The following HBS1L variants were observed in gnomAD, a reference collection of about 807,000 sequenced individuals.
HBS1L encodes HBS1 like translational GTPase, also known as HBS1-like protein.
In HBS1L, 55 loss-of-function variants were observed where a neutral mutation model predicts 88.9. The ratio of observed to expected loss-of-function variants is 0.62; its 90% confidence interval spans 0.50 to 0.77. HBS1L has a LOEUF of 0.77. Ranked by LOEUF, HBS1L falls within the 30% of genes least tolerant of loss-of-function variation. The pLI is 0.00. For missense variants in HBS1L, 741 were observed against 829.3 expected (o/e 0.89, Z 1.31); for synonymous variants, 267 against 288.5 (o/e 0.93, Z 0.76).
At chr6:135,031,052 T>C (rs1776369992) in intron 4 of HBS1L, among the ~76,000 whole-genome samples, 3 of 152,098 alleles carry the variant, frequency 2.0e-5, no homozygotes, top group African/African-American at 4.8e-5. Flanking sequence ...GTTGGTAATT[T>C]TGTACTTTTT....
rs993997361 is a variant in HBS1L at position 134,978,791 on chromosome 6, T to C, written c.1689-4A>G. On this transcript the variant is annotated splice_region_variant and splice_polypyrimidine_tract_variant and intron_variant, in intron 14 of 17. Coordinates refer to ENST00000367837, the MANE Select transcript of HBS1L (RefSeq NM_006620.4). ...GCCACAAAATATGCAGCCAACACTG[T>C]AAGAACAACAAAAAAAGAGGAAAGG... 4 of 1,564,670 alleles carry C rather than the reference T, an allele frequency of 2.6e-6. No homozygotes were observed. The highest frequency in any genetic ancestry group is 2.6e-6 in the Non-Finnish European group (3 of 1,150,050).
intron 4 of HBS1L, among the ~76,000 whole-genome samples, chr6:135,008,349 G>C (rs1775669978): frequency 6.6e-6 from 1 of 152,210 alleles, no homozygotes; most frequent in Non-Finnish European, 1.5e-5. Context: ...GGACAAATAA[G>C]TGACTTCACC....
At chr6:135,054,546 G>A in intron 1 of HBS1L, 103 bp downstream of exon 1, 1 of 1,352,064 alleles carries the variant, frequency 7.4e-7, no homozygotes, top group Non-Finnish European at 1.0e-6. Context: ...AATCCCGACA[G>A]GGCAACACTG....
chr6:135,051,586 G>C (rs991774508), intron 1 of HBS1L, among the ~76,000 whole-genome samples: 1 of 152,092 alleles, frequency 6.6e-6, no homozygotes, highest in Non-Finnish European at 1.5e-5. Flanking sequence ...ACCACTCTGG[G>C]TAAAGCAGTA....
At chr6:135,011,429 A>G (rs1210710989) in intron 4 of HBS1L, among the ~76,000 whole-genome samples, 2 of 152,206 alleles carry the variant, frequency 1.3e-5, no homozygotes, top group African/African-American at 2.4e-5. Context: ...TTGAGATGGG[A>G]GGATCAATTG....
chr6:135,051,637 T>A lies in HBS1L; in HGVS notation c.44-990A>T, dbSNP rs139052267. On this transcript the variant is annotated intron_variant, in intron 1 of 17. Transcript: ENST00000367837. ...GTTACCCTCCAGCACACTTACCCAATTTACAGAGCGCTACGCCTGTTCACT... is the reference window on the plus strand; with the variant it reads ...GTTACCCTCCAGCACACTTACCCAAATTACAGAGCGCTACGCCTGTTCACT... 4.7e-3 allele frequency among the ~76,000 whole-genome samples: 715 copies of A among 152,308 alleles called. 3 individuals are homozygous for A. Among genetic ancestry groups the A allele is most frequent in the Non-Finnish European group, 8.3e-3 (567 of 68,018 alleles).
At position 135,054,733 on chromosome 6, in the gene HBS1L, CA is replaced by C. The variant is rs752344951; in HGVS notation, c.-43del. ...TTTGCCACAGCCCCTTAACTCCTTC[CA>C]AAACACTCCGCTTAGATACTGATAA... On this transcript the variant is annotated 5_prime_UTR_variant, in exon 1 of 18. Transcript: ENST00000367837. 6 of 1,611,964 alleles carry C rather than the reference CA, an allele frequency of 3.7e-6. No individual in the cohort carries two copies. The highest frequency in any genetic ancestry group is 4.2e-6 in the Non-Finnish European group (5 of 1,178,570).
intron 16 of HBS1L, 38 bp downstream of exon 16, chr6:134,969,200 A>C (rs768266265): frequency 7.1e-7 from 1 of 1,400,098 alleles, no homozygotes; most frequent in South Asian, 1.2e-5. Flanking sequence ...AAATTGGCTT[A>C]AATTGCTTGT....
chr6:134,991,846 T>C (rs536221054), intron 8 of HBS1L, among the ~76,000 whole-genome samples: 5 of 152,286 alleles, frequency 3.3e-5, no homozygotes, highest in Non-Finnish European at 4.4e-5. Flanking sequence ...GAGGTGGGGA[T>C]TGCTTGAGCC....
chr6:135,029,955 A>G (rs1173879229), intron 4 of HBS1L, among the ~76,000 whole-genome samples: 1 of 152,236 alleles, frequency 6.6e-6, no homozygotes, highest in Non-Finnish European at 1.5e-5. Flanking sequence ...CCTTTGGAAG[A>G]ATAAAGAAGA....
intron 4 of HBS1L, among the ~76,000 whole-genome samples, chr6:135,032,552 C>G (rs1776419012): frequency 6.6e-6 from 1 of 151,948 alleles, no homozygotes; most frequent in South Asian, 2.1e-4. Flanking sequence ...AAATATATAC[C>G]TGCATGAACA....
intron 15 of HBS1L, among the ~76,000 whole-genome samples, chr6:134,972,325 C>A (rs4895435): frequency 0.61 from 93,098 of 152,032 alleles, 30,514 homozygotes; most frequent in African/African-American, 0.87. Flanking sequence ...GGTTTTCAAC[C>A]AGGGTACCAG....
Position 135,037,575 on chromosome 6 carries a change from C to T in HBS1L, c.430+1998G>A, listed in dbSNP as rs761200466. 113 of 1,549,140 alleles carry T rather than the reference C, an allele frequency of 7.3e-5. 1 individual carries two copies. Among genetic ancestry groups the T allele is most frequent in the Non-Finnish European group, 9.8e-5 (112 of 1,145,092 alleles). On this transcript the variant is annotated intron_variant, in intron 4 of 17. Transcript: ENST00000367837. ...TATTTTGAATATATAAAGAATTATT[C>T]GGTGTTGTGCCCTTTATGATTATGG... is the stretch of plus-strand genomic sequence containing the variant.
intron 8 of HBS1L, among the ~76,000 whole-genome samples, chr6:134,988,548 A>C (rs1478947045): frequency 3.3e-5 from 5 of 152,176 alleles, no homozygotes; most frequent in African/African-American, 1.2e-4. Flanking sequence ...CAACATGAAA[A>C]AAATTCAAAT....
At chr6:134,977,796 T>C (rs1369925940) in intron 15 of HBS1L, among the ~76,000 whole-genome samples, 4 of 151,952 alleles carry the variant, frequency 2.6e-5, no homozygotes, top group African/African-American at 9.7e-5. Flanking sequence ...ATCTGTACTA[T>C]ATGAGCTAAT....
At chr6:134,978,251 T>G (rs1774706982) in intron 15 of HBS1L, among the ~76,000 whole-genome samples, 1 of 152,022 alleles carries the variant, frequency 6.6e-6, no homozygotes. Context: ...TTTCCAAAAT[T>G]TTCTATGCAA....
chr6:135,035,651 T>C (rs1418388493), intron 4 of HBS1L, among the ~76,000 whole-genome samples: 1 of 149,440 alleles, frequency 6.7e-6, no homozygotes, highest in African/African-American at 2.5e-5. Context: ...CTCTGGAGGC[T>C]GAGGCAGGAG....
rs1376422284 is a variant in HBS1L, at chr6:134,961,432, A to G, written c.*3847T>C. The G allele has an allele frequency of 6.6e-6, 1 of 152,190 alleles. No individual in the cohort carries two copies. 9.4% of individuals were successfully genotyped at this position (152,190 alleles called of 1,614,324 possible). On this transcript the variant is annotated 3_prime_UTR_variant, in exon 18 of 18. Coordinates refer to ENST00000367837, the MANE Select transcript of HBS1L (RefSeq NM_006620.4). Reference sequence around the variant, plus strand: ...AGGCGGTGGCGTTCTCCTGCTGAACATTTAACAATTCTCAAATCTCTAACA... The same window carrying G: ...AGGCGGTGGCGTTCTCCTGCTGAACGTTTAACAATTCTCAAATCTCTAACA...
chr6:135,028,008 C>G (rs1776283058), intron 4 of HBS1L, among the ~76,000 whole-genome samples: 1 of 152,092 alleles, frequency 6.6e-6, no homozygotes, highest in Non-Finnish European at 1.5e-5. Context: ...CTCAAGCAAT[C>G]CACCTGCCTC....
Sources: allele counts gnomAD v4.1 joint callset (sites outside exome capture counted in the v4.1 genomes callset), GRCh38; gene constraint gnomAD v4.1.1; transcripts MANE v1.5; gene names NCBI Gene and HGNC (gene_info 2026-07-23, HGNC 2026-07-21).